Variants in SUMF1 observed in about 807,000 individuals in gnomAD.
The protein encoded by SUMF1 is formylglycine-generating enzyme.
Under a neutral mutation model 47.6 loss-of-function variants are expected in SUMF1, and 48 were observed. The observed-to-expected ratio is 1.01, with a 90% CI of 0.80 to 1.28. The LOEUF is 1.28. Among genes scored for constraint, SUMF1 ranks in the 50% most tolerant of loss-of-function variants. The pLI, the probability that SUMF1 is intolerant of heterozygous loss-of-function variation, is 0.00. For missense variants in SUMF1, 571 were observed against 485.4 expected (o/e 1.18, Z -1.66); for synonymous variants, 230 against 192.1 (o/e 1.20, Z -1.63).
At chr3:4,183,561 A>T (rs1695139178) in intron 8 of SUMF1, among the ~76,000 whole-genome samples, 1 of 152,140 alleles carries the variant, frequency 6.6e-6, no homozygotes, top group Non-Finnish European at 1.5e-5. Flanking sequence ...ATTCAGACCT[A>T]ATTTAATTTG....
intron 9 of SUMF1, among the ~76,000 whole-genome samples, chr3:4,039,038 T>G (rs1368015525): frequency 1.3e-5 from 2 of 151,942 alleles, no homozygotes; most frequent in Non-Finnish European, 1.5e-5. Flanking sequence ...ACTACCTAAA[T>G]GCAACAGCAA....
chr3:4,440,051 T>C (rs986854458), intron 3 of SUMF1, among the ~76,000 whole-genome samples: 12 of 152,056 alleles, frequency 7.9e-5, no homozygotes, highest in African/African-American at 2.9e-4. Context: ...CTAGCCAACA[T>C]GGTGAAACCC....
intron 8 of SUMF1, among the ~76,000 whole-genome samples, chr3:4,175,363 T>G (rs1230983672): frequency 6.6e-6 from 1 of 152,088 alleles, no homozygotes; most frequent in East Asian, 1.9e-4. Flanking sequence ...ATATTTGCAT[T>G]CTGCTGCCTC....
intron 8 of SUMF1, among the ~76,000 whole-genome samples, chr3:4,269,406 G>T (rs1697261701): frequency 6.6e-6 from 1 of 152,104 alleles, no homozygotes; most frequent in South Asian, 2.1e-4. Context: ...CTTACCAAAG[G>T]CCTATAATAG....
At chr3:4,162,306 T>A (rs1264520576) in intron 8 of SUMF1, among the ~76,000 whole-genome samples, 1 of 152,160 alleles carries the variant, frequency 6.6e-6, no homozygotes, top group Non-Finnish European at 1.5e-5. Flanking sequence ...CTCTCTTGGC[T>A]GCCCTGTCTG....
intron 9 of SUMF1, among the ~76,000 whole-genome samples, chr3:4,042,114 G>C (rs1188699063): frequency 6.6e-6 from 1 of 152,110 alleles, no homozygotes; most frequent in Non-Finnish European, 1.5e-5. Flanking sequence ...CTGCAACTCA[G>C]TCATCTTCCC....
intron 8 of SUMF1, among the ~76,000 whole-genome samples, chr3:4,160,318 C>T (rs1694546322): frequency 6.6e-6 from 1 of 152,002 alleles, no homozygotes; most frequent in Non-Finnish European, 1.5e-5. Context: ...TGACTCATTG[C>T]AATCTCCGCC....
At chr3:4,221,171 T>A (rs1337593568) in intron 8 of SUMF1, among the ~76,000 whole-genome samples, 1 of 152,090 alleles carries the variant, frequency 6.6e-6, no homozygotes, top group Non-Finnish European at 1.5e-5. Context: ...ACCTCTTTCA[T>A]CCTCCTACCA....
chr3:4,354,544 C>T (rs1300854268), intron 8 of SUMF1, among the ~76,000 whole-genome samples: 5 of 152,212 alleles, frequency 3.3e-5, no homozygotes, highest in Non-Finnish European at 5.9e-5. Context: ...GTGAGAACTT[C>T]GTGGGACAGA....
At chr3:4,429,067 G>GT (rs1046171129) in intron 3 of SUMF1, among the ~76,000 whole-genome samples, 2 of 152,052 alleles carry the variant, frequency 1.3e-5, no homozygotes, top group African/African-American at 2.4e-5. Context: ...GTCTGTTGTT[G>GT]TTTTTTTGCT....
chr3:4,366,262 C>T (rs1699953163), intron 8 of SUMF1, among the ~76,000 whole-genome samples: 1 of 152,044 alleles, frequency 6.6e-6, no homozygotes, highest in African/African-American at 2.4e-5. Flanking sequence ...GAATGTTGGC[C>T]TGCCTTGTTA....
intron 8 of SUMF1, among the ~76,000 whole-genome samples, chr3:4,184,587 T>C (rs959223172): frequency 2.6e-4 from 40 of 152,046 alleles, no homozygotes; most frequent in Non-Finnish European, 8.8e-5. Flanking sequence ...CAGATTCAGA[T>C]CATAATTAAT....
chr3:4,191,893 T>C (rs1158323821), intron 8 of SUMF1, among the ~76,000 whole-genome samples: 1 of 152,170 alleles, frequency 6.6e-6, no homozygotes, highest in African/African-American at 2.4e-5. Flanking sequence ...GGTAGAGGCA[T>C]ATTCTAAATA....
chr3:4,317,746 A>T (rs943514949), intron 8 of SUMF1, among the ~76,000 whole-genome samples: 3 of 152,222 alleles, frequency 2.0e-5, no homozygotes, highest in African/African-American at 7.2e-5. Flanking sequence ...GTTACCATTG[A>T]ACAAATCACT....
intron 7 of SUMF1, among the ~76,000 whole-genome samples, chr3:4,405,514 G>A (rs1370699315): frequency 1.3e-5 from 2 of 152,182 alleles, no homozygotes; most frequent in Non-Finnish European, 2.9e-5. Context: ...AATCTGCCGG[G>A]TAGCTGGGAC....
chr3:4,219,683 C>A (rs1361252082), intron 8 of SUMF1, among the ~76,000 whole-genome samples: 1 of 152,088 alleles, frequency 6.6e-6, no homozygotes, highest in African/African-American at 2.4e-5. Flanking sequence ...ACCATGCAGG[C>A]CAGTTTTTCT....
chr3:4,045,970 G>C (rs1087819), intron 9 of SUMF1, among the ~76,000 whole-genome samples: 44,874 of 152,036 alleles, frequency 0.3, 7,207 homozygotes, highest in African/African-American at 0.37. Flanking sequence ...AGGATTGCTT[G>C]AGGCCAAGAG....
At chr3:4,266,761 G>A (rs1181725279) in intron 8 of SUMF1, among the ~76,000 whole-genome samples, 1 of 148,698 alleles carries the variant, frequency 6.7e-6, no homozygotes, top group Non-Finnish European at 1.5e-5. Context: ...CCAACACTAT[G>A]TTGAATAGGA....
chr3:4,316,823 C>T, intron 8 of SUMF1: 1 of 1,550,566 alleles, frequency 6.4e-7, no homozygotes, highest in Non-Finnish European at 8.7e-7. Flanking sequence ...GTCTGATCCA[C>T]TACAGCTTTC....
Sources: allele counts gnomAD v4.1 joint callset (sites outside exome capture counted in the v4.1 genomes callset), GRCh38; gene constraint gnomAD v4.1.1; transcripts MANE v1.5; gene names NCBI Gene and HGNC (gene_info 2026-07-23, HGNC 2026-07-21).